Variants in LRP2 observed in about 807,000 individuals in gnomAD.
LRP2 encodes low-density lipoprotein receptor-related protein 2.
In LRP2, 172 loss-of-function variants were observed where a neutral mutation model predicts 531.0. The ratio of observed to expected loss-of-function variants is 0.32; its 90% CI spans 0.29 to 0.37. LRP2 has a LOEUF of 0.37. LRP2 is among the 10% of genes least tolerant of loss of function. The pLI, the probability that LRP2 is intolerant of heterozygous loss-of-function variation, is 1.00. For synonymous variants in LRP2, 1,992 were observed against 2,027.6 expected (o/e 0.98, Z 0.47); for missense variants, 5,167 against 5,868.3 (o/e 0.88, Z 3.90).
intron 4 of LRP2, among the ~76,000 whole-genome samples, chr2:169,307,052 A>C (rs1186480602): frequency 6.6e-6 from 1 of 152,230 alleles, no homozygotes; most frequent in Non-Finnish European, 1.5e-5. Flanking sequence ...TTACTATAAA[A>C]AATACAGAAA....
chr2:169,278,209 G>C (rs531714613), intron 12 of LRP2, among the ~76,000 whole-genome samples: 1 of 152,168 alleles, frequency 6.6e-6, no homozygotes, highest in Admixed American at 6.5e-5. Flanking sequence ...AGCCAGCCAG[G>C]CACAGTGGTT....
intron 16 of LRP2, among the ~76,000 whole-genome samples, chr2:169,260,043 G>A (rs992516704): frequency 6.6e-6 from 1 of 152,076 alleles, no homozygotes; most frequent in Admixed American, 6.6e-5. Flanking sequence ...ACTGGACCAA[G>A]TATTCTACAT....
chr2:169,327,756 G>A (rs1685133205), intron 1 of LRP2, among the ~76,000 whole-genome samples: 1 of 123,386 alleles, frequency 8.1e-6, no homozygotes, highest in Non-Finnish European at 1.8e-5. Context: ...GGAGGGAGGT[G>A]GGGGGGTCAG....
chr2:169,207,902 T>TG (rs1295352062), intron 38 of LRP2, among the ~76,000 whole-genome samples: 1 of 152,214 alleles, frequency 6.6e-6, no homozygotes, highest in East Asian at 1.9e-4. Flanking sequence ...TTCATGTAGT[T>TG]GAAAGTCTGT....
At chr2:169,296,936 C>T (rs1359405101) in intron 4 of LRP2, among the ~76,000 whole-genome samples, 5 of 152,146 alleles carry the variant, frequency 3.3e-5, no homozygotes, top group Non-Finnish European at 7.3e-5. Context: ...ACACAGCTTT[C>T]TTGTCTCCAT....
intron 1 of LRP2, among the ~76,000 whole-genome samples, chr2:169,357,823 T>C (rs1686033887): frequency 6.6e-6 from 1 of 152,208 alleles, no homozygotes; most frequent in African/African-American, 2.4e-5. Context: ...TTACAGTGCC[T>C]GACTAGAGAA....
At chr2:169,273,146 T>C in intron 14 of LRP2, 79 bp from the exon 15 acceptor site, 2 of 1,522,504 alleles carry the variant, frequency 1.3e-6, no homozygotes, top group Admixed American at 3.3e-5. Flanking sequence ...TTCTAGCCCT[T>C]TTCACCTATA....
intron 1 of LRP2, among the ~76,000 whole-genome samples, chr2:169,327,102 G>A (rs558105027): frequency 7.4e-4 from 109 of 148,202 alleles, no homozygotes; most frequent in Admixed American, 2.2e-3. Context: ...TCAGCCCCCC[G>A]CCCGGCCAGC....
rs574075976 is a variant in LRP2, at chr2:169,310,699, G to A, written c.311-3302C>T. Reference sequence around the variant, plus strand: ...TGTCTCTGCCAGGCTTTGGTATCAGGATGATGCTGGCCTCATAAAATGAAT... The same window carrying A: ...TGTCTCTGCCAGGCTTTGGTATCAGAATGATGCTGGCCTCATAAAATGAAT... On this transcript the variant is annotated intron_variant, in intron 3 of 78. Transcript: ENST00000649046. Among the ~76,000 whole-genome samples the A allele has an allele frequency of 7.1e-3, 1,074 of 152,278 alleles. 10 individuals carry two copies. The highest frequency in any genetic ancestry group is 0.024 in the African/African-American group (987 of 41,552).
rs753019765 is a variant in LRP2, at chr2:169,231,859, A to C, written c.5099-17T>G. On this transcript the variant is annotated splice_polypyrimidine_tract_variant and intron_variant, in intron 30 of 78. Coordinates refer to ENST00000649046, the MANE Select transcript of LRP2 (RefSeq NM_004525.3). ...GATTCACGGCTGCATGAGAAAGAGA[A>C]GAAAGCACCAGTAAGTGGAAAACCT... 2.5e-6 allele frequency: 4 copies of C among 1,613,548 alleles called. No homozygotes were observed. Among genetic ancestry groups the C allele is most frequent in the East Asian group, 2.2e-5 (1 of 44,858 alleles).
intron 1 of LRP2, among the ~76,000 whole-genome samples, chr2:169,326,155 TCCCTCTCCCTCTCCCTCC>T (rs1685046643): frequency 1.6e-5 from 1 of 62,436 alleles, no homozygotes; most frequent in African/African-American, 1.0e-4. Flanking sequence ...CCTCTCCCTC[TCCCTCTCCCTCTCCCTCC>T]CCCTCTCCCC....
At chr2:169,220,653 TC>T (rs1312868307) in intron 33 of LRP2, 90 bp from the exon 34 acceptor site, 1 of 825,608 alleles carries the variant, frequency 1.2e-6, no homozygotes, top group East Asian at 2.6e-5. Flanking sequence ...CAAAACAAAT[TC>T]CAAAGCACGA....
At position 169,320,853 on chromosome 2, in the gene LRP2, A is replaced by C; in HGVS notation, c.111T>G (p.Ser37Arg). ...TCCAGTCTGCAGGGATGCAATGCCC[A>C]CTTCCACAGCGAAAATGCGCACTGT... ...ECDSAHFRCG[S>R]GHCIPADWRC... is the part of the protein sequence containing the mutation. The change falls in exon 2 of 79, where the codon AGT becomes AGG. Residue 37 changes from serine (S) to arginine (R), a missense_variant. Physicochemically the swap from Ser to Arg is moderately radical, Grantham distance 110. Transcript: ENST00000649046. 1 of 1,614,138 alleles carries C rather than the reference A, an allele frequency of 6.2e-7. No homozygotes were observed. Among genetic ancestry groups the C allele is most frequent in the Non-Finnish European group, 8.5e-7 (1 of 1,179,974 alleles).
chr2:169,277,790 G>C lies in LRP2; in HGVS notation c.1727C>G (p.Ser576Cys), dbSNP rs1291245429. 1.9e-6 allele frequency: 3 copies of C among 1,614,022 alleles called. No individual in the cohort carries two copies. The highest frequency in any genetic ancestry group is 2.5e-6 in the Non-Finnish European group (3 of 1,180,004). ...MISKRVYWVD[S>C]RFDYIETVTY... Reference sequence around the variant, plus strand: ...TACAGTTTCAATGTAATCAAACCGAGAGTCAACCCAGTAAACACGCTTCGA... The same window carrying C: ...TACAGTTTCAATGTAATCAAACCGACAGTCAACCCAGTAAACACGCTTCGA... The change falls in exon 13 of 79, where the codon TCT becomes TGT. Residue 576 changes from serine (S) to cysteine (C), a missense_variant. Coordinates refer to ENST00000649046, the MANE Select transcript of LRP2 (RefSeq NM_004525.3).
intron 3 of LRP2, among the ~76,000 whole-genome samples, chr2:169,310,599 TTG>T (rs1213032619): frequency 6.6e-6 from 1 of 152,250 alleles, no homozygotes; most frequent in East Asian, 1.9e-4. Context: ...TGGATTGGGT[TTG>T]CCAGTATTTC....
chr2:169,142,652 GC>G, intron 71 of LRP2, 21 bp downstream of exon 71: 1 of 1,613,040 alleles, frequency 6.2e-7, no homozygotes, highest in East Asian at 2.2e-5. Flanking sequence ...GGCCCCCATA[GC>G]TGCTTGGGCA....
chr2:169,159,373 G>A (rs1686488092), intron 63 of LRP2, among the ~76,000 whole-genome samples: 1 of 152,026 alleles, frequency 6.6e-6, no homozygotes, highest in Non-Finnish European at 1.5e-5. Context: ...ACTATATGTG[G>A]TCTGAGTACA....
At chr2:169,192,973 G>C (rs994684390) in intron 47 of LRP2, among the ~76,000 whole-genome samples, 12 of 152,172 alleles carry the variant, frequency 7.9e-5, no homozygotes, top group Admixed American at 4.6e-4. Flanking sequence ...ACACCGATTA[G>C]ATTAATTCTT....
chr2:169,350,358 G>A (rs1036317352), intron 1 of LRP2, among the ~76,000 whole-genome samples: 1 of 152,092 alleles, frequency 6.6e-6, no homozygotes, highest in South Asian at 2.1e-4. Flanking sequence ...AGACTATAGG[G>A]TAGTGGTCTG....
Sources: gnomAD v4.1 joint callset for allele counts (sites outside exome capture counted in the v4.1 genomes callset) on GRCh38, gnomAD v4.1.1 for gene constraint, MANE v1.5 for transcripts, NCBI Gene and HGNC (gene_info 2026-07-23, HGNC 2026-07-21) for gene names.